The following PCED1B variants were observed in gnomAD, a reference collection of about 807,000 sequenced individuals.
PCED1B encodes PC-esterase domain-containing protein 1B.
For missense variants in PCED1B, 573 were observed against 573.9 expected, an observed-to-expected ratio of 1.00 and a Z score of 0.02; for synonymous variants, 251 against 246.1, an observed-to-expected ratio of 1.02 and a Z score of -0.19.
intron 2 of PCED1B, among the ~76,000 whole-genome samples, chr12:47,158,835 C>T (rs1186212720): frequency 6.6e-6 from 1 of 152,090 alleles, no homozygotes; most frequent in African/African-American, 2.4e-5. Context: ...ACTATAGTAA[C>T]CCTACTCTGC....
intron 2 of PCED1B, among the ~76,000 whole-genome samples, chr12:47,190,595 A>G (rs998009422): frequency 2.0e-5 from 3 of 152,228 alleles, no homozygotes; most frequent in African/African-American, 7.2e-5. Context: ...ACTCATTTAC[A>G]CAGAATCTTG....
intron 2 of PCED1B, among the ~76,000 whole-genome samples, chr12:47,111,952 G>C (rs1162972666): frequency 6.6e-6 from 1 of 152,170 alleles, no homozygotes; most frequent in Non-Finnish European, 1.5e-5. Context: ...AAAGGCACCG[G>C]CACTGCCCCT....
chr12:47,141,006 T>C (rs1418588220), intron 2 of PCED1B, among the ~76,000 whole-genome samples: 1 of 152,168 alleles, frequency 6.6e-6, no homozygotes, highest in Non-Finnish European at 1.5e-5. Flanking sequence ...GTTTCATACT[T>C]AAGAGACTGA....
chr12:47,176,593 C>T (rs1941932073), intron 2 of PCED1B, among the ~76,000 whole-genome samples: 1 of 152,170 alleles, frequency 6.6e-6, no homozygotes, highest in African/African-American at 2.4e-5. Flanking sequence ...CTTAAAATAT[C>T]CTTTCTAATA....
chr12:47,137,031 A>C (rs970760936), intron 2 of PCED1B, among the ~76,000 whole-genome samples: 1 of 152,224 alleles, frequency 6.6e-6, no homozygotes, highest in African/African-American at 2.4e-5. Flanking sequence ...TTTGCTAATT[A>C]AAAGAACTCA....
At chr12:47,101,839 G>A (rs1938720150) in intron 1 of PCED1B, among the ~76,000 whole-genome samples, 1 of 152,050 alleles carries the variant, frequency 6.6e-6, no homozygotes, top group African/African-American at 2.4e-5. Flanking sequence ...CCAGCTACCG[G>A]GGAAGCTGAG....
intron 2 of PCED1B, among the ~76,000 whole-genome samples, chr12:47,146,652 A>G (rs4548703): frequency 0.1 from 15,168 of 152,234 alleles, 1,469 homozygotes; most frequent in African/African-American, 0.25. Context: ...ATTTTTAGCA[A>G]TAAAGTATTT....
chr12:47,196,812 A>T (rs1230003961), intron 2 of PCED1B, among the ~76,000 whole-genome samples: 1 of 151,922 alleles, frequency 6.6e-6, no homozygotes, highest in African/African-American at 2.4e-5. Context: ...GCAAAAGAGC[A>T]AGACTCCATC....
At chr12:47,113,897 G>C (rs1025524197) in intron 2 of PCED1B, among the ~76,000 whole-genome samples, 2 of 151,472 alleles carry the variant, frequency 1.3e-5, no homozygotes, top group Non-Finnish European at 2.9e-5. Flanking sequence ...TTTGTAGTGA[G>C]ACGAGATTGC....
chr12:47,113,222 G>A (rs1158305661), intron 2 of PCED1B, among the ~76,000 whole-genome samples: 1 of 152,118 alleles, frequency 6.6e-6, no homozygotes, highest in Non-Finnish European at 1.5e-5. Context: ...TACAAGTGAG[G>A]ACATAATATA....
intron 2 of PCED1B, among the ~76,000 whole-genome samples, chr12:47,127,537 GTATTTTT>G (rs1939943017): frequency 6.6e-6 from 1 of 150,988 alleles, no homozygotes; most frequent in Admixed American, 6.6e-5. Flanking sequence ...TTAATTTTTT[GTATTTTT>G]TAGTAGAAAC....
intron 2 of PCED1B, among the ~76,000 whole-genome samples, chr12:47,116,863 A>T (rs1939442748): frequency 6.6e-6 from 1 of 152,230 alleles, no homozygotes; most frequent in South Asian, 2.1e-4. Context: ...CATAATTCAT[A>T]TATCAACAAT....
intron 2 of PCED1B, among the ~76,000 whole-genome samples, chr12:47,204,146 G>C (rs553084899): frequency 2.6e-5 from 4 of 152,004 alleles, no homozygotes; most frequent in Non-Finnish European, 2.9e-5. Context: ...GGTTTCATTC[G>C]CTATGTTGGT....
At chr12:47,177,575 C>T (rs1319234526) in intron 2 of PCED1B, among the ~76,000 whole-genome samples, 1 of 152,070 alleles carries the variant, frequency 6.6e-6, no homozygotes, top group East Asian at 1.9e-4. Flanking sequence ...ATTATAGCAC[C>T]TATGTTGTAC....
chr12:47,227,136 CTG>C, intron 3 of PCED1B, among the ~76,000 whole-genome samples: 2 of 151,618 alleles, frequency 1.3e-5, no homozygotes, highest in Middle Eastern at 6.8e-3. Flanking sequence ...TCAGGTTTTT[CTG>C]TTTGTTTGTT....
rs748878252 is a variant in PCED1B, at chr12:47,232,855, CTTTTA to C, written c.-57-2148_-57-2144del. 5.9e-5 allele frequency among the ~76,000 whole-genome samples: 9 copies of C among 152,124 alleles called. No homozygotes were observed. In the East Asian group the frequency reaches 1.5e-3, roughly 26 times the overall value. On this transcript the variant is annotated intron_variant, in intron 3 of 3. Coordinates refer to ENST00000546455, the MANE Select transcript of PCED1B (RefSeq NM_138371.3). ...AGATTAACAGGAGAAAAAGCACATA[CTTTTA>C]TTTATTTATGTTGTGTGTGTGTTGC...
intron 2 of PCED1B, among the ~76,000 whole-genome samples, chr12:47,109,960 T>A (rs1158678442): frequency 6.6e-6 from 1 of 152,136 alleles, no homozygotes; most frequent in Non-Finnish European, 1.5e-5. Flanking sequence ...ATGTTGAAAT[T>A]TGGGCAGTAT....
chr12:47,218,127 G>A (rs1346099698), intron 3 of PCED1B, among the ~76,000 whole-genome samples: 1 of 152,160 alleles, frequency 6.6e-6, no homozygotes, highest in Non-Finnish European at 1.5e-5. Flanking sequence ...TAACTCTAAG[G>A]TAGGCAGTGC....
chr12:47,180,378 TC>T (rs761059729), intron 2 of PCED1B, among the ~76,000 whole-genome samples: 2 of 152,204 alleles, frequency 1.3e-5, no homozygotes, highest in Non-Finnish European at 2.9e-5. Context: ...GAGAAAGGAT[TC>T]CCTATTTACT....
Sources: allele counts gnomAD v4.1 joint callset (sites outside exome capture counted in the v4.1 genomes callset), GRCh38; gene constraint gnomAD v4.1.1; transcripts MANE v1.5; gene names NCBI Gene and HGNC (gene_info 2026-07-23, HGNC 2026-07-21).